The following LRP1B variants were observed in gnomAD, a reference collection of about 807,000 sequenced individuals.
The protein encoded by LRP1B is LDL receptor related protein 1B, also known as low-density lipoprotein receptor-related protein 1B.
In LRP1B, 217 loss-of-function variants were observed where a neutral mutation model predicts 556.6. That is an observed-to-expected ratio of 0.39 (90% confidence interval 0.35 to 0.44). The LOEUF is 0.44. LRP1B is among the 20% of genes least tolerant of loss of function. The pLI, the probability that LRP1B is intolerant of heterozygous loss-of-function variation, is 1.00. For missense variants in LRP1B, 5,053 were observed against 5,620.8 expected, an observed-to-expected ratio of 0.90 and a Z score of 3.23; for synonymous variants, 2,047 against 1,865.8, an observed-to-expected ratio of 1.10 and a Z score of -2.50.
At chr2:140,387,577 A>AT (rs34523312) in intron 66 of LRP1B, among the ~76,000 whole-genome samples, 34,319 of 148,770 alleles carry the variant, frequency 0.23, 3,944 homozygotes, top group East Asian at 0.34. Context: ...GCATTTTTCT[A>AT]TTTTTTTTTT....
At chr2:142,059,587 AATTTG>A (rs1420301344) in intron 1 of LRP1B, among the ~76,000 whole-genome samples, 1 of 152,028 alleles carries the variant, frequency 6.6e-6, no homozygotes, top group African/African-American at 2.4e-5. Context: ...TTTTAGGGAT[AATTTG>A]ATTTAATAGT....
chr2:140,334,567 G>A lies in LRP1B; in HGVS notation c.12117-8C>T. 7 of 1,505,942 alleles carry A rather than the reference G, an allele frequency of 4.6e-6. No individual in the cohort carries two copies. Among genetic ancestry groups the A allele is most frequent in the Non-Finnish European group, 6.3e-6 (7 of 1,113,922 alleles). The allele number at this position is 1,505,942 out of a possible 1,614,324, so 93.3% of individuals were successfully genotyped here. A position where few individuals can be genotyped will look rare whatever the true frequency, so the allele number is the denominator to read the frequency against. On this transcript the variant is annotated splice_region_variant and splice_polypyrimidine_tract_variant and intron_variant, in intron 78 of 90. Coordinates refer to ENST00000389484, the MANE Select transcript of LRP1B (RefSeq NM_018557.3). ...ACAGTCCAGTACATCATCCTGAAGA[G>A]AGCGGGTCAGAGAGGTTAGCCTGGT... is the stretch of plus-strand genomic sequence containing the variant.
chr2:141,077,759 TA>T (rs1275385448), intron 7 of LRP1B, among the ~76,000 whole-genome samples: 1 of 152,194 alleles, frequency 6.6e-6, no homozygotes, highest in Admixed American at 6.5e-5. Flanking sequence ...TCAATCTAAC[TA>T]GCCAGACTCA....
intron 3 of LRP1B, among the ~76,000 whole-genome samples, chr2:141,468,894 A>G (rs1035153405): frequency 6.6e-6 from 1 of 152,244 alleles, no homozygotes; most frequent in South Asian, 2.1e-4. Flanking sequence ...CGCAAGCACA[A>G]TGACCTAATC....
At chr2:142,094,946 C>T (rs1706305680) in intron 1 of LRP1B, among the ~76,000 whole-genome samples, 1 of 151,726 alleles carries the variant, frequency 6.6e-6, no homozygotes, top group African/African-American at 2.4e-5. Flanking sequence ...CATGTATCTT[C>T]CATCTTATGT....
intron 31 of LRP1B, among the ~76,000 whole-genome samples, chr2:140,834,474 GTGATC>G (rs1691831031): frequency 6.6e-6 from 1 of 152,110 alleles, no homozygotes; most frequent in African/African-American, 2.4e-5. Flanking sequence ...TCATGACCTC[GTGATC>G]TGCACACCTT....
chr2:141,791,482 TA>T (rs1695608505), intron 2 of LRP1B, among the ~76,000 whole-genome samples: 1 of 152,076 alleles, frequency 6.6e-6, no homozygotes. Flanking sequence ...CATTTCAAAT[TA>T]AATATATCTT....
intron 1 of LRP1B, among the ~76,000 whole-genome samples, chr2:142,106,729 C>G (rs576677340): frequency 6.6e-6 from 1 of 152,140 alleles, no homozygotes; most frequent in Admixed American, 6.6e-5. Flanking sequence ...GTATAATAAT[C>G]AGTGGTAATA....
At chr2:140,535,125 T>C (rs1176270297) in intron 46 of LRP1B, among the ~76,000 whole-genome samples, 2 of 152,116 alleles carry the variant, frequency 1.3e-5, no homozygotes, top group Non-Finnish European at 2.9e-5. Context: ...ACAGAGGATA[T>C]GTGACAGAAA....
chr2:140,724,730 T>A (rs1687527824), intron 35 of LRP1B, among the ~76,000 whole-genome samples: 1 of 152,172 alleles, frequency 6.6e-6, no homozygotes, highest in South Asian at 2.1e-4. Context: ...GAAAAAAAGC[T>A]TATGGCTGTA....
At chr2:140,532,944 A>ATCTATATCTATATC (rs1433618941) in intron 47 of LRP1B, among the ~76,000 whole-genome samples, 69 of 119,834 alleles carry the variant, frequency 5.8e-4, no homozygotes, top group East Asian at 2.1e-3. Context: ...ATATATATAT[A>ATCTATATCTATATC]TATACACATA....
chr2:141,058,013 C>T (rs1056430184), intron 9 of LRP1B, among the ~76,000 whole-genome samples: 9 of 151,806 alleles, frequency 5.9e-5, no homozygotes, highest in Non-Finnish European at 1.3e-4. Flanking sequence ...CATAGCTTCT[C>T]CACTGGAGTG....
At chr2:140,869,804 GA>G (rs1693069190) in intron 25 of LRP1B, among the ~76,000 whole-genome samples, 3 of 152,024 alleles carry the variant, frequency 2.0e-5, no homozygotes, top group African/African-American at 7.2e-5. Flanking sequence ...AAGTGAAAGG[GA>G]AAAATGGAAA....
chr2:140,676,045 T>C (rs1315373291), intron 41 of LRP1B, among the ~76,000 whole-genome samples: 1 of 152,172 alleles, frequency 6.6e-6, no homozygotes, highest in Non-Finnish European at 1.5e-5. Context: ...ATTACTACAA[T>C]AAATTTAAAA....
At chr2:141,855,093 G>A (rs1402474106) in intron 1 of LRP1B, among the ~76,000 whole-genome samples, 1 of 152,050 alleles carries the variant, frequency 6.6e-6, no homozygotes, top group Admixed American at 6.6e-5. Flanking sequence ...GTGCTAGGAA[G>A]AAGGTGGAGG....
At chr2:141,707,332 C>T (rs1384568268) in intron 2 of LRP1B, among the ~76,000 whole-genome samples, 1 of 152,030 alleles carries the variant, frequency 6.6e-6, no homozygotes, top group African/African-American at 2.4e-5. Flanking sequence ...TAACTATGAA[C>T]AAAAGGTCCT....
At chr2:141,940,519 G>A (rs769275905) in intron 1 of LRP1B, among the ~76,000 whole-genome samples, 5 of 152,094 alleles carry the variant, frequency 3.3e-5, no homozygotes, top group Non-Finnish European at 5.9e-5. Flanking sequence ...ATGTTACTAT[G>A]TTTTAGATAT....
chr2:140,981,451 C>CT (rs1338475092), intron 18 of LRP1B, among the ~76,000 whole-genome samples: 2 of 151,976 alleles, frequency 1.3e-5, no homozygotes, highest in African/African-American at 4.8e-5. Flanking sequence ...AAGCACAAGT[C>CT]TTAGAAAGCC....
chr2:140,340,606 G>T (rs1449845395), intron 77 of LRP1B, among the ~76,000 whole-genome samples: 3 of 151,280 alleles, frequency 2.0e-5, no homozygotes, highest in African/African-American at 7.3e-5. Flanking sequence ...ATAATTCAGG[G>T]TTACCTGAGA....
Sources: allele counts gnomAD v4.1 joint callset (sites outside exome capture counted in the v4.1 genomes callset), GRCh38; gene constraint gnomAD v4.1.1; transcripts MANE v1.5; gene names NCBI Gene and HGNC (gene_info 2026-07-23, HGNC 2026-07-21).